The following GSE1 variants were observed in gnomAD, a reference collection of about 807,000 sequenced individuals.
GSE1 encodes genetic suppressor element 1.
Under a neutral mutation model 112.6 loss-of-function variants are expected in GSE1, and 32 were observed. The ratio of observed to expected loss-of-function variants is 0.28; its 90% CI spans 0.21 to 0.38. GSE1 has a LOEUF of 0.38. GSE1 is among the 10% of genes least tolerant of loss of function. GSE1 has a pLI of 1.00. For synonymous variants in GSE1, 1,115 were observed against 735.6 expected, an observed-to-expected ratio of 1.52 and a Z score of -8.35; for missense variants, 2,348 against 1,699.2, an observed-to-expected ratio of 1.38 and a Z score of -6.71.
intron 1 of GSE1, among the ~76,000 whole-genome samples, chr16:85,603,463 T>A (rs1187042322): frequency 6.6e-6 from 1 of 152,236 alleles, no homozygotes; most frequent in Non-Finnish European, 1.5e-5. Flanking sequence ...GCCCTGCATC[T>A]GGCCTCTCCC....
intron 2 of GSE1, among the ~76,000 whole-genome samples, chr16:85,482,017 C>A (rs1597900255): frequency 6.6e-6 from 1 of 152,248 alleles, no homozygotes; most frequent in South Asian, 2.1e-4. Context: ...GCAGGCGGGC[C>A]ATCTGGCCTC....
chr16:85,375,666 G>T (rs544465562), intron 2 of GSE1, among the ~76,000 whole-genome samples: 3 of 151,996 alleles, frequency 2.0e-5, no homozygotes, highest in East Asian at 2.0e-4. Flanking sequence ...CCCTCGCCGG[G>T]CACCTCCCAG....
chr16:85,181,042 A>G (rs2074572716), intron 1 of GSE1, among the ~76,000 whole-genome samples: 2 of 152,236 alleles, frequency 1.3e-5, no homozygotes. Flanking sequence ...CATGTGTTTC[A>G]TGATGTTGAA....
intron 1 of GSE1, among the ~76,000 whole-genome samples, chr16:85,586,342 G>A (rs1307335521): frequency 6.6e-6 from 1 of 152,238 alleles, no homozygotes. Flanking sequence ...CTCGGACGGC[G>A]GAGCCCTGGC....
At chr16:85,621,964 G>A (rs1227438482) in intron 1 of GSE1, among the ~76,000 whole-genome samples, 1 of 152,208 alleles carries the variant, frequency 6.6e-6, no homozygotes, top group Non-Finnish European at 1.5e-5. Flanking sequence ...CAGTCTTGGT[G>A]GCAGAGACTG....
chr16:85,359,808 GC>G (rs1481976344), intron 2 of GSE1, among the ~76,000 whole-genome samples: 1 of 152,146 alleles, frequency 6.6e-6, no homozygotes, highest in African/African-American at 2.4e-5. Context: ...TTCCCTGAGT[GC>G]TGGGAGGCCG....
At chr16:85,307,271 C>G (rs949318457) in intron 1 of GSE1, among the ~76,000 whole-genome samples, 1 of 152,198 alleles carries the variant, frequency 6.6e-6, no homozygotes, top group African/African-American at 2.4e-5. Context: ...TTGTCAGTGG[C>G]CACCGCTTTC....
chr16:85,190,635 G>T (rs1161503589), intron 1 of GSE1, among the ~76,000 whole-genome samples: 2 of 152,278 alleles, frequency 1.3e-5, no homozygotes, highest in Non-Finnish European at 2.9e-5. Flanking sequence ...CACCAATACG[G>T]AGGACTTGCC....
intron 1 of GSE1, among the ~76,000 whole-genome samples, chr16:85,273,041 G>A (rs1183434400): frequency 4.6e-5 from 7 of 152,232 alleles, no homozygotes; most frequent in African/African-American, 1.7e-4. Flanking sequence ...CTCCCACAGT[G>A]CTGGGATTAC....
chr16:85,570,335 T>G (rs1321502266), intron 1 of GSE1, among the ~76,000 whole-genome samples: 1 of 151,998 alleles, frequency 6.6e-6, no homozygotes, highest in African/African-American at 2.4e-5. Context: ...AGGAAAGACC[T>G]GGCCCTTGAC....
At chr16:85,571,887 C>T (rs2045996992) in intron 1 of GSE1, among the ~76,000 whole-genome samples, 1 of 152,034 alleles carries the variant, frequency 6.6e-6, no homozygotes, top group East Asian at 1.9e-4. Flanking sequence ...GTGAGTTGGG[C>T]GTGGGGGCAC....
intron 8 of GSE1, among the ~76,000 whole-genome samples, chr16:85,658,160 C>A (rs2052129827): frequency 6.6e-6 from 1 of 152,220 alleles, no homozygotes. Flanking sequence ...GTCTTATGAG[C>A]TGGGCCCCAG....
intron 2 of GSE1, among the ~76,000 whole-genome samples, chr16:85,434,043 G>A (rs919011173): frequency 2.6e-5 from 4 of 152,082 alleles, no homozygotes; most frequent in African/African-American, 9.7e-5. Flanking sequence ...AGGGCCTGTG[G>A]GCACCAATCT....
intron 1 of GSE1, among the ~76,000 whole-genome samples, chr16:85,305,537 G>A (rs2045655264): frequency 6.6e-6 from 1 of 152,094 alleles, no homozygotes; most frequent in Non-Finnish European, 1.5e-5. Flanking sequence ...CTGGAGTGCA[G>A]TGGTGCAGTC....
rs1282058428 is a variant in GSE1 at position 85,661,599 on chromosome 16, C to G, written c.2094C>G (p.Thr698=). 6.2e-7 allele frequency: 1 copy of G among 1,610,570 alleles called. No homozygotes were observed. The highest frequency in any genetic ancestry group is 1.3e-5 in the African/African-American group (1 of 75,052). Residue 698 remains threonine, a synonymous_variant, in exon 9 of 16, where the codon ACC becomes ACG. Coordinates refer to ENST00000253458, the MANE Select transcript of GSE1 (RefSeq NM_014615.5). Reference sequence around the variant, plus strand: ...GGGCCTCCCTCCCACAGGCGGCCACCTTCGGGGAGCTCAGCGGACCCCTGA... The same window carrying G: ...GGGCCTCCCTCCCACAGGCGGCCACGTTCGGGGAGCTCAGCGGACCCCTGA... ...QQRASLPQAA[T]FGELSGPLKP...
intron 2 of GSE1, among the ~76,000 whole-genome samples, chr16:85,372,486 C>CAAAAA (rs3030350): frequency 2.3e-5 from 2 of 87,554 alleles, no homozygotes. Flanking sequence ...CTCTGTCTCA[C>CAAAAA]AAAAAAAAAA....
intron 2 of GSE1, among the ~76,000 whole-genome samples, chr16:85,480,320 T>A (rs1258184338): frequency 4.6e-5 from 7 of 152,198 alleles, no homozygotes; most frequent in Non-Finnish European, 7.4e-5. Context: ...GAGGCGGGAC[T>A]GGGAGTTTTC....
intron 2 of GSE1, among the ~76,000 whole-genome samples, chr16:85,410,943 C>G (rs2048514318): frequency 9.4e-6 from 1 of 106,280 alleles, no homozygotes; most frequent in African/African-American, 5.6e-5. Context: ...CACTGTTACA[C>G]TCAGGCCCCC....
chr16:85,623,975 T>C (rs1443334170), intron 1 of GSE1, among the ~76,000 whole-genome samples: 4 of 152,182 alleles, frequency 2.6e-5, no homozygotes, highest in Non-Finnish European at 4.4e-5. Context: ...CAGGCATTCA[T>C]AGGAGACGTC....
Sources: allele counts gnomAD v4.1 joint callset (sites outside exome capture counted in the v4.1 genomes callset), GRCh38; gene constraint gnomAD v4.1.1; transcripts MANE v1.5; gene names NCBI Gene and HGNC (gene_info 2026-07-23, HGNC 2026-07-21).